Variants in UTRN observed in about 807,000 individuals in gnomAD.
The protein encoded by UTRN is utrophin.
UTRN carries 283 observed loss-of-function variants against 463.9 expected under a neutral mutation model. That is an observed-to-expected ratio of 0.61 (90% CI 0.55 to 0.67). UTRN has a LOEUF of 0.67. Among genes scored for constraint, UTRN ranks in the 30% least tolerant of loss-of-function variants. UTRN has a pLI of 0.00. For synonymous variants in UTRN, 1,442 were observed against 1,431.5 expected, an observed-to-expected ratio of 1.01 and a Z score of -0.17; for missense variants, 3,922 against 4,084.3, an observed-to-expected ratio of 0.96 and a Z score of 1.08.
intron 51 of UTRN, among the ~76,000 whole-genome samples, chr6:144,672,503 G>T (rs1271956176): frequency 6.6e-6 from 1 of 152,026 alleles, no homozygotes; most frequent in Non-Finnish European, 1.5e-5. Flanking sequence ...TGTAGTATCA[G>T]TTGTAGTATC....
Position 144,748,497 on chromosome 6 carries a change from C to T in UTRN, c.8191C>T (p.His2731Tyr). ...GDLLIDSLQD[H>Y]IEKIMAFREE... is the part of the protein sequence containing the mutation. ...CTTACTCATTGACTCGCTGCAGGAT[C>T]ACATTGAAAAAATCATGGTCAGCAT... Residue 2731 changes from histidine to tyrosine, a missense_variant, in exon 55 of 75, where the codon CAC becomes TAC. Physicochemically the swap from His to Tyr is moderately conservative, Grantham distance 83. Coordinates refer to ENST00000367545, the MANE Select transcript of UTRN (RefSeq NM_007124.3). 1 of 1,610,492 alleles carries T rather than the reference C, an allele frequency of 6.2e-7. No homozygotes were observed. The highest frequency in any genetic ancestry group is 8.5e-7 in the Non-Finnish European group (1 of 1,178,890).
chr6:144,689,283 G>T (rs868633702), intron 52 of UTRN, among the ~76,000 whole-genome samples: 1 of 152,170 alleles, frequency 6.6e-6, no homozygotes, highest in African/African-American at 2.4e-5. Flanking sequence ...GCAATGGTGG[G>T]TGAAGGAGAG....
At position 144,438,647 on chromosome 6, in the gene UTRN, T is replaced by C. The variant is rs1786821521; in HGVS notation, c.1242-98T>C. 4.3e-6 allele frequency: 6 copies of C among 1,409,664 alleles called. No homozygotes were observed. The Admixed American group carries it at 1.2e-4, about 29-fold the overall frequency. 87.3% of individuals were successfully genotyped at this position (1,409,664 alleles called of 1,614,324 possible). ...GCTACCTTGAATGTTTAGACAAGGGTGTCTTCCCTTGCCCTGTATCTCCGG... is the reference window on the plus strand; with the variant it reads ...GCTACCTTGAATGTTTAGACAAGGGCGTCTTCCCTTGCCCTGTATCTCCGG... On this transcript the variant is annotated intron_variant, in intron 11 of 74. Coordinates refer to ENST00000367545, the MANE Select transcript of UTRN (RefSeq NM_007124.3).
Position 144,773,947 on chromosome 6 carries a change from G to A in UTRN, c.8558-343G>A, listed in dbSNP as rs192310445. 2.1e-3 allele frequency among the ~76,000 whole-genome samples: 323 copies of A among 152,282 alleles called. 3 individuals carry two copies. Among genetic ancestry groups the A allele is most frequent in the Non-Finnish European group, 3.0e-3 (206 of 68,014 alleles). Reference sequence around the variant, plus strand: ...TTATCACTTTGGAAGGAGAAAGAGGGTCAGGAGACAAGAGACCCAGAGGTC... The same window carrying A: ...TTATCACTTTGGAAGGAGAAAGAGGATCAGGAGACAAGAGACCCAGAGGTC... On this transcript the variant is annotated intron_variant, in intron 59 of 74. Coordinates refer to ENST00000367545, the MANE Select transcript of UTRN (RefSeq NM_007124.3).
At position 144,548,756 on chromosome 6, in the gene UTRN, C is replaced by T; in HGVS notation, c.6712C>T (p.Leu2238=). 1.2e-6 allele frequency: 2 copies of T among 1,614,024 alleles called. No individual in the cohort carries two copies. The highest frequency in any genetic ancestry group is 8.5e-7 in the Non-Finnish European group (1 of 1,179,948). ...TGATCTTGATAAAACTATAACAGAA[C>T]TAGCCGACTGGCTGGTATTAATCGA... The part of the protein sequence containing the change: ...PADLDKTITE[L]ADWLVLIDQM... The change falls in exon 47 of 75, where the codon CTA becomes TTA. Residue 2238 remains leucine, a synonymous_variant. Coordinates refer to ENST00000367545, the MANE Select transcript of UTRN (RefSeq NM_007124.3).
At chr6:144,423,878 T>C (rs1785069557) in intron 5 of UTRN, 108 bp from the exon 6 acceptor site, 2 of 1,143,272 alleles carry the variant, frequency 1.7e-6, no homozygotes, top group Admixed American at 2.2e-5. Context: ...ATTTCTCTTA[T>C]CTCTCACTTA....
intron 4 of UTRN, 86 bp downstream of exon 4, chr6:144,422,056 G>A: frequency 1.9e-6 from 2 of 1,073,696 alleles, no homozygotes; most frequent in South Asian, 3.6e-5. Flanking sequence ...TAAAGTGAAA[G>A]TATCCATTTT....
chr6:144,301,536 C>CTTTTTTTTTTTTTTTT (rs200484231), intron 2 of UTRN, among the ~76,000 whole-genome samples: 13 of 92,760 alleles, frequency 1.4e-4, no homozygotes, highest in Non-Finnish European at 2.3e-4. Flanking sequence ...TTCTTTCTTT[C>CTTTTTTTTTTTTTTTT]TTTTTTTTTT....
intron 60 of UTRN, 47 bp downstream of exon 60, chr6:144,774,411 T>A: frequency 6.9e-7 from 1 of 1,452,296 alleles, no homozygotes; most frequent in Non-Finnish European, 9.3e-7. Context: ...TGAATTGCGT[T>A]TTTTTTTTTT....
intron 1 of UTRN, among the ~76,000 whole-genome samples, chr6:144,289,375 T>C (rs183125007): frequency 6.6e-6 from 1 of 152,362 alleles, no homozygotes; most frequent in African/African-American, 2.4e-5. Flanking sequence ...TTTCTTTCTA[T>C]CTACTCTTGT....
chr6:144,784,387 C>T (rs1294738314), intron 61 of UTRN, among the ~76,000 whole-genome samples: 1 of 152,196 alleles, frequency 6.6e-6, no homozygotes, highest in African/African-American at 2.4e-5. Flanking sequence ...GCCACTCTTT[C>T]TGGTCTGCAG....
intron 2 of UTRN, among the ~76,000 whole-genome samples, chr6:144,387,045 A>G (rs1781484733): frequency 6.6e-6 from 1 of 152,220 alleles, no homozygotes; most frequent in African/African-American, 2.4e-5. Flanking sequence ...GAAAGTGAGT[A>G]AAATATTAGG....
chr6:144,813,422 C>T (rs1778805459), intron 65 of UTRN, among the ~76,000 whole-genome samples: 1 of 152,046 alleles, frequency 6.6e-6, no homozygotes, highest in Non-Finnish European at 1.5e-5. Flanking sequence ...CTCCTGACCT[C>T]GTGATCCGCC....
chr6:144,784,857 T>A (rs1776168014), intron 61 of UTRN, among the ~76,000 whole-genome samples: 1 of 152,200 alleles, frequency 6.6e-6, no homozygotes, highest in Admixed American at 6.5e-5. Flanking sequence ...AGGAAAAAAA[T>A]CTTTCAGGAC....
At chr6:144,312,819 G>T (rs1182963393) in intron 2 of UTRN, among the ~76,000 whole-genome samples, 1 of 152,160 alleles carries the variant, frequency 6.6e-6, no homozygotes, top group African/African-American at 2.4e-5. Context: ...GCTGAGGCTG[G>T]ATATTATATT....
chr6:144,589,084 A>C (rs1802751909), intron 51 of UTRN, among the ~76,000 whole-genome samples: 1 of 152,258 alleles, frequency 6.6e-6, no homozygotes, highest in Non-Finnish European at 1.5e-5. Flanking sequence ...TGCTTAATAA[A>C]TAATAGGCTT....
At chr6:144,312,456 A>AGCACT (rs934082839) in intron 2 of UTRN, among the ~76,000 whole-genome samples, 5 of 152,074 alleles carry the variant, frequency 3.3e-5, no homozygotes, top group African/African-American at 4.8e-5. Flanking sequence ...GGAACATAGA[A>AGCACT]GCACTCAAGA....
chr6:144,495,320 G>T (rs1175985798), intron 33 of UTRN, among the ~76,000 whole-genome samples: 1 of 152,252 alleles, frequency 6.6e-6, no homozygotes. Flanking sequence ...GGCCCGGTGA[G>T]AAATTGAGCG....
intron 42 of UTRN, 100 bp from the exon 43 acceptor site, chr6:144,532,985 C>A: frequency 1.8e-6 from 1 of 567,410 alleles, no homozygotes; most frequent in Non-Finnish European, 3.0e-6. Context: ...GAGTTTGTTT[C>A]TTTCACACTT....
Sources: allele counts gnomAD v4.1 joint callset (sites outside exome capture counted in the v4.1 genomes callset), GRCh38; gene constraint gnomAD v4.1.1; transcripts MANE v1.5; gene names NCBI Gene and HGNC (gene_info 2026-07-23, HGNC 2026-07-21).